The following AVIL variants were observed in gnomAD, a reference collection of about 807,000 sequenced individuals.
The protein encoded by AVIL is advillin.
In AVIL, 78 loss-of-function variants were observed where a neutral mutation model predicts 109.9. The observed-to-expected ratio is 0.71, with a 90% CI of 0.59 to 0.86. The LOEUF (loss-of-function observed/expected upper bound fraction) is 0.86, where lower values mean the gene tolerates loss of function less well. Among genes scored for constraint, AVIL ranks in the 40% least tolerant of loss-of-function variants. The pLI is 0.00. For missense variants in AVIL, 892 were observed against 1,016.5 expected (o/e 0.88, Z 1.67); for synonymous variants, 367 against 379.1 (o/e 0.97, Z 0.37).
Position 57,811,113 on chromosome 12 carries a change from C to A in AVIL, c.353G>T (p.Gly118Val), listed in dbSNP as rs1398116982. 1.9e-6 allele frequency: 3 copies of A among 1,613,792 alleles called. No homozygotes were observed. The highest frequency in any genetic ancestry group is 2.5e-6 in the Non-Finnish European group (3 of 1,179,868). Residue 118 changes from glycine (G) to valine (V), a missense_variant, in exon 5 of 20, where the codon GGT (glycine) becomes GTT (valine). Coordinates refer to ENST00000549994, the MANE Select transcript of AVIL (RefSeq NM_006576.4). ...FKQGIIYKQG[G>V]VASGMKHVET... ...CACGTGCTTCATCCCAGAGGCGACA[C>A]CCCCCTGCTTGTAGCTAAGGGAACA...
In AVIL at chr12:57,814,191, G is replaced by T. The variant is rs375869474; in HGVS notation, c.102C>A (p.His34Gln). The change falls in exon 3 of 20, where the codon CAC becomes CAA. Residue 34 changes from histidine (H) to glutamine (Q), a missense_variant. Physicochemically the swap from His to Gln is conservative, Grantham distance 24. Transcript: ENST00000549994. Reference protein sequence around the residue: ...MELALVPVSAHGNFYEGDCYV... With the variant: ...MELALVPVSAQGNFYEGDCYV... ...AGCAGTCCCCCTCATAGAAGTTGCC[G>T]TGGGCGCTCACAGGCACCAGCGCCA... The T allele has an allele frequency of 6.2e-7, 1 of 1,613,116 alleles. No homozygotes were observed. The highest frequency in any genetic ancestry group is 8.5e-7 in the Non-Finnish European group (1 of 1,179,786).
chr12:57,811,952 A>G (rs191907862), intron 4 of AVIL, among the ~76,000 whole-genome samples: 1 of 149,834 alleles, frequency 6.7e-6, no homozygotes, highest in East Asian at 1.9e-4. Context: ...CTTCCATTCT[A>G]ACTGTTGACC....
Position 57,808,408 on chromosome 12 carries a change from G to T in AVIL, c.1080C>A (p.Ser360Arg). ...DQTMGLGKTF[S>R]IGKIAKVFQD... ...GGGCAGTCTCACCAATTTTACCAAT[G>T]CTGAACGTTTTCCCCAGGCCCATGG... Residue 360 changes from serine to arginine, a missense_variant, in exon 10 of 20, where the codon AGC becomes AGA. By Grantham distance (110) the Ser-to-Arg change is moderately radical. Coordinates refer to ENST00000549994, the MANE Select transcript of AVIL (RefSeq NM_006576.4). The T allele has an allele frequency of 6.2e-7, 1 of 1,614,194 alleles. No individual in the cohort carries two copies. The highest frequency in any genetic ancestry group is 8.5e-7 in the Non-Finnish European group (1 of 1,180,042).
Position 57,813,262 on chromosome 12 carries a change from T to C in AVIL, c.303A>G (p.Ser101=). The C allele has an allele frequency of 1.2e-6, 2 of 1,613,908 alleles. No individual in the cohort carries two copies. The highest frequency in any genetic ancestry group is 1.7e-4 in the Middle Eastern group (1 of 6,060). ...VQHREVQYHE[S]DTFRGYFKQG... is the part of the protein sequence containing the mutation. ...GCTTGAAGTAGCCACGGAAAGTGTC[T>C]GACTCATGGTACTGGACCTCTCGGT... is the stretch of plus-strand genomic sequence containing the variant. Residue 101 remains serine, a synonymous_variant, in exon 4 of 20, where the codon TCA becomes TCG. Transcript: ENST00000549994.
Position 57,797,559 on chromosome 12 carries a change from T to C in AVIL, c.*323A>G, listed in dbSNP as rs1342443197. The C allele has an allele frequency of 1.4e-5, 13 of 913,358 alleles. No homozygotes were observed. Among genetic ancestry groups the C allele is most frequent in the Non-Finnish European group, 1.6e-5 (12 of 762,806 alleles). 56.6% of individuals were successfully genotyped at this position (913,358 alleles called of 1,614,324 possible). A position where few individuals can be genotyped will look rare whatever the true frequency, so the allele number is the denominator to read the frequency against. On this transcript the variant is annotated 3_prime_UTR_variant, in exon 20 of 20. Coordinates refer to ENST00000549994, the MANE Select transcript of AVIL (RefSeq NM_006576.4). ...GTAGGTCCTGGTATAATATTAAACA[T>C]AAAGTTATTAAACATTTTAAGCATT...
chr12:57,807,685 G>C lies in AVIL; in HGVS notation c.1237C>G (p.Gln413Glu). 6.2e-7 allele frequency: 1 copy of C among 1,614,116 alleles called. No individual in the cohort carries two copies. Among genetic ancestry groups the C allele is most frequent in the South Asian group, 1.1e-5 (1 of 91,084 alleles). ...ENLELVPVEY[Q>E]WYGFFYGGDC... ...CCCCCATAAAAGAAGCCATACCATT[G>C]ATACTCCACAGGGACCAGCTCCAGG... Residue 413 changes from glutamine to glutamate, a missense_variant, in exon 12 of 20, where the codon CAA becomes GAA. Physicochemically the swap from Gln to Glu is conservative, Grantham distance 29. Coordinates refer to ENST00000549994, the MANE Select transcript of AVIL (RefSeq NM_006576.4).
chr12:57,803,744 A>G, intron 14 of AVIL, 75 bp from the exon 15 acceptor site: 1 of 1,555,038 alleles, frequency 6.4e-7, no homozygotes, highest in South Asian at 1.2e-5. Flanking sequence ...AGCATCTGAG[A>G]CTAATAACTC....
intron 16 of AVIL, among the ~76,000 whole-genome samples, chr12:57,802,930 G>GC (rs988586543): frequency 6.6e-6 from 1 of 152,136 alleles, no homozygotes; most frequent in African/African-American, 2.4e-5. Flanking sequence ...TCCCCCAAAG[G>GC]CCCATATCCT....
chr12:57,799,698 A>G, intron 19 of AVIL, 97 bp downstream of exon 19: 3 of 1,539,628 alleles, frequency 1.9e-6, no homozygotes, highest in Non-Finnish European at 8.8e-7. Context: ...TTGAGCGGCT[A>G]CAATGTGCCG....
intron 1 of AVIL, among the ~76,000 whole-genome samples, chr12:57,817,540 T>C (rs182835314): frequency 2.6e-5 from 4 of 152,132 alleles, no homozygotes; most frequent in South Asian, 4.2e-4. Context: ...ATATGGTGTT[T>C]GGGTTTTCTT....
chr12:57,800,652 GGCT>G (rs1955825981), intron 18 of AVIL: 1 of 153,448 alleles, frequency 6.5e-6, no homozygotes, highest in African/African-American at 2.4e-5. Context: ...CTGTTGCCCA[GGCT>G]GGAGTGCAGT....
chr12:57,810,409 T>A lies in AVIL; in HGVS notation c.701A>T (p.Lys234Met). Residue 234 changes from lysine (K) to methionine (M), a missense_variant, in exon 7 of 20, where the codon AAG becomes ATG. By Grantham distance (95) the Lys-to-Met change is moderately conservative. Coordinates refer to ENST00000549994, the MANE Select transcript of AVIL (RefSeq NM_006576.4). Reference sequence around the variant, plus strand: ...TATGATCTCATCAGGGACTGTAGGCTTGATAATGGAGCGTCGGCCAAGGGT... The same window carrying A: ...TATGATCTCATCAGGGACTGTAGGCATGATAATGGAGCGTCGGCCAAGGGT... Reference protein sequence around the residue: ...QDTLGRRSIIKPTVPDEIIDQ... With the variant: ...QDTLGRRSIIMPTVPDEIIDQ... The A allele has an allele frequency of 6.2e-7, 1 of 1,614,226 alleles. No individual in the cohort carries two copies. The highest frequency in any genetic ancestry group is 8.5e-7 in the Non-Finnish European group (1 of 1,180,048).
At chr12:57,802,812 A>G (rs1955877441) in intron 16 of AVIL, 2 of 567,920 alleles carry the variant, frequency 3.5e-6, no homozygotes, top group Admixed American at 3.3e-5. Flanking sequence ...TTACCTCCTA[A>G]GCATTTGTCA....
At chr12:57,803,467 T>C in intron 15 of AVIL, 57 bp downstream of exon 15, 1 of 1,613,716 alleles carries the variant, frequency 6.2e-7, no homozygotes, top group East Asian at 2.2e-5. Context: ...CTTTGTGCAA[T>C]TCACAAGCCT....
chr12:57,808,125 C>G, intron 11 of AVIL, 69 bp downstream of exon 11: 5 of 1,527,208 alleles, frequency 3.3e-6, no homozygotes, highest in Non-Finnish European at 2.7e-6. Context: ...TCACCTGCAC[C>G]CCTGCCCCCA....
intron 12 of AVIL, 24 bp from the exon 13 acceptor site, chr12:57,807,513 G>C (rs1472444863): frequency 1.2e-6 from 2 of 1,614,230 alleles, no homozygotes; most frequent in Non-Finnish European, 1.7e-6. Context: ...AGGCCATGAA[G>C]GACCCATGCT....
intron 1 of AVIL, among the ~76,000 whole-genome samples, chr12:57,816,819 G>T (rs1252184918): frequency 6.6e-6 from 1 of 151,458 alleles, no homozygotes; most frequent in African/African-American, 2.4e-5. Context: ...TAAAATGGCA[G>T]GGCTGGGCCT....
intron 3 of AVIL, among the ~76,000 whole-genome samples, chr12:57,813,918 C>T (rs528480303): frequency 1.6e-4 from 25 of 152,288 alleles, no homozygotes; most frequent in Middle Eastern, 6.8e-3. Flanking sequence ...TTGTGGGTGG[C>T]TCACTGAGGT....
At chr12:57,798,521 CTTGAG>C (rs1955780991) in intron 19 of AVIL, among the ~76,000 whole-genome samples, 2 of 152,118 alleles carry the variant, frequency 1.3e-5, no homozygotes, top group African/African-American at 2.4e-5. Context: ...AGTCCAGATA[CTTGAG>C]TTGACTAGAT....
Sources: gnomAD v4.1 joint callset for allele counts (sites outside exome capture counted in the v4.1 genomes callset) on GRCh38, gnomAD v4.1.1 for gene constraint, MANE v1.5 for transcripts, NCBI Gene and HGNC (gene_info 2026-07-23, HGNC 2026-07-21) for gene names.